The following NT5M variants were observed in gnomAD, a reference collection of about 807,000 sequenced individuals.
NT5M encodes the protein 5'(3')-deoxyribonucleotidase, mitochondrial.
NT5M carries 22 observed loss-of-function variants against 22.2 expected under a neutral mutation model. That is an observed-to-expected ratio of 0.99 (90% CI 0.71 to 1.41). The LOEUF (loss-of-function observed/expected upper bound fraction) is 1.41, where lower values mean the gene tolerates loss of function less well. Among genes scored for constraint, NT5M ranks in the 40% most tolerant of loss-of-function variants. The pLI is 0.00. For missense variants in NT5M, 322 were observed against 314.8 expected (o/e 1.02, Z -0.17); for synonymous variants, 167 against 133.0 (o/e 1.26, Z -1.76).
intron 4 of NT5M, among the ~76,000 whole-genome samples, chr17:17,346,274 A>G (rs1180948596): frequency 6.6e-6 from 1 of 152,152 alleles, no homozygotes; most frequent in East Asian, 1.9e-4. Flanking sequence ...GGGCGGGTGT[A>G]TAACCCAAAG....
chr17:17,346,583 C>A (rs925425484), intron 4 of NT5M, among the ~76,000 whole-genome samples: 1 of 152,232 alleles, frequency 6.6e-6, no homozygotes, highest in African/African-American at 2.4e-5. Context: ...CGCAGTCAGT[C>A]CCTGTTGACT....
chr17:17,340,796 A>T lies in NT5M; in HGVS notation c.430-3998A>T, dbSNP rs559877944. ...CGCCTTGGCCTCTCAAAGTGCTGGG[A>T]TTACAGTGTGAGCCACCGCGCCCGG... On this transcript the variant is annotated intron_variant, in intron 3 of 4. Transcript: ENST00000389022. Among the ~76,000 whole-genome samples, 300 of 152,142 alleles carry T rather than the reference A, an allele frequency of 2.0e-3. 3 individuals carry two copies. The highest frequency in any genetic ancestry group is 6.9e-3 in the African/African-American group (287 of 41,482).
At chr17:17,306,282 C>A (rs984547721) in intron 1 of NT5M, among the ~76,000 whole-genome samples, 2 of 152,210 alleles carry the variant, frequency 1.3e-5, no homozygotes, top group African/African-American at 4.8e-5. Context: ...TCCCAGAGAG[C>A]TCCAGCAGGT....
intron 3 of NT5M, among the ~76,000 whole-genome samples, chr17:17,338,979 G>A (rs897162710): frequency 3.3e-5 from 5 of 151,956 alleles, no homozygotes; most frequent in Admixed American, 6.5e-5. Flanking sequence ...TGCCTGCCTC[G>A]GCCTCCCGAA....
chr17:17,311,459 CTTG>C (rs919207665), intron 2 of NT5M, among the ~76,000 whole-genome samples: 15 of 152,080 alleles, frequency 9.9e-5, no homozygotes, highest in South Asian at 6.2e-4. Context: ...ATGTAGATAT[CTTG>C]TTGTCCCAGT....
At chr17:17,318,150 C>T (rs985348216) in intron 2 of NT5M, among the ~76,000 whole-genome samples, 8 of 151,716 alleles carry the variant, frequency 5.3e-5, no homozygotes, top group Non-Finnish European at 7.4e-5. Flanking sequence ...TAAAATGTGA[C>T]GTAGCCACAC....
chr17:17,346,643 C>T (rs2049764491), intron 4 of NT5M, among the ~76,000 whole-genome samples, 162 bp from the exon 5 acceptor site: 2 of 152,220 alleles, frequency 1.3e-5, no homozygotes, highest in Non-Finnish European at 2.9e-5. Flanking sequence ...CTCGTGCCAT[C>T]CTCACACCCG....
chr17:17,345,035 C>A, intron 4 of NT5M, 127 bp downstream of exon 4: 3 of 1,386,458 alleles, frequency 2.2e-6, no homozygotes, highest in Non-Finnish European at 1.9e-6. Flanking sequence ...AGGCACTGAG[C>A]CCCTCCCCTT....
chr17:17,317,312 G>A (rs2049053242), intron 2 of NT5M, among the ~76,000 whole-genome samples: 1 of 152,164 alleles, frequency 6.6e-6, no homozygotes, highest in Non-Finnish European at 1.5e-5. Flanking sequence ...GCCTCCCAAA[G>A]TGCTGGGATT....
intron 2 of NT5M, among the ~76,000 whole-genome samples, chr17:17,315,296 G>A (rs947559442): frequency 6.6e-6 from 1 of 152,146 alleles, no homozygotes; most frequent in African/African-American, 2.4e-5. Flanking sequence ...TATGCACCCA[G>A]TACTGTGCTA....
chr17:17,314,930 C>A (rs771433370), intron 2 of NT5M, among the ~76,000 whole-genome samples: 1 of 152,198 alleles, frequency 6.6e-6, no homozygotes, highest in East Asian at 1.9e-4. Context: ...TGTCCCATGA[C>A]CCTGAGTGTG....
rs540759635 is a variant in NT5M, at chr17:17,313,553, C to T, written c.368+6910C>T. Among the ~76,000 whole-genome samples the T allele has an allele frequency of 4.6e-5, 7 of 152,256 alleles. No individual in the cohort carries two copies. In the South Asian group the frequency reaches 1.4e-3, roughly 32 times the overall value. ...GCACTGAGTACAAGAGATGTGGGCC[C>T]AGCAGCAGAGACCAAGGCTGATCAG... On this transcript the variant is annotated intron_variant, in intron 2 of 4. Transcript: ENST00000389022.
chr17:17,325,728 C>A (rs147090273), intron 3 of NT5M, among the ~76,000 whole-genome samples: 206 of 152,302 alleles, frequency 1.4e-3, no homozygotes, highest in African/African-American at 4.9e-3. Context: ...TGCCTCTCCA[C>A]CCACTGTGCC....
chr17:17,336,699 C>T (rs907467086), intron 3 of NT5M, among the ~76,000 whole-genome samples: 1 of 151,850 alleles, frequency 6.6e-6, no homozygotes, highest in Non-Finnish European at 1.5e-5. Context: ...TACAGGCATG[C>T]ACCACCACAC....
At chr17:17,331,913 T>C (rs1405935033) in intron 3 of NT5M, among the ~76,000 whole-genome samples, 1 of 151,424 alleles carries the variant, frequency 6.6e-6, no homozygotes, top group Non-Finnish European at 1.5e-5. Context: ...CCCAAGTAGC[T>C]GGGACTACAG....
chr17:17,322,301 C>G (rs1469182974), intron 2 of NT5M, among the ~76,000 whole-genome samples: 1 of 152,108 alleles, frequency 6.6e-6, no homozygotes, highest in Non-Finnish European at 1.5e-5. Flanking sequence ...CCTGCCATCT[C>G]TGAAGTCTGT....
chr17:17,342,694 T>C (rs987375392), intron 3 of NT5M, among the ~76,000 whole-genome samples: 1 of 152,198 alleles, frequency 6.6e-6, no homozygotes, highest in African/African-American at 2.4e-5. Flanking sequence ...CTGCCTGGAA[T>C]GTTCTTGCCG....
rs1214029450 is a variant in NT5M, at chr17:17,316,746, C to G, written c.369-6439C>G. On this transcript the variant is annotated intron_variant, in intron 2 of 4. Transcript: ENST00000389022. ...TTTGTTTTTTTTTGAGATGGAGTCT[C>G]GCTCTGTTGCCCAGGCTGGAATGCA... Among the ~76,000 whole-genome samples the G allele has an allele frequency of 2.0e-5, 3 of 146,950 alleles. No individual in the cohort carries two copies. In the Admixed American group the frequency reaches 2.1e-4, roughly 10 times the overall value.
chr17:17,305,398 C>G (rs1270288821), intron 1 of NT5M, among the ~76,000 whole-genome samples: 9 of 107,412 alleles, frequency 8.4e-5, no homozygotes, highest in Admixed American at 1.8e-4. Context: ...ACAACCGCCC[C>G]CCCCCCCCCG....
Sources: allele counts gnomAD v4.1 joint callset (sites outside exome capture counted in the v4.1 genomes callset), GRCh38; gene constraint gnomAD v4.1.1; transcripts MANE v1.5; gene names NCBI Gene and HGNC (gene_info 2026-07-23, HGNC 2026-07-21).